CELF2: variants seen among roughly 807,000 people sequenced by gnomAD.
CELF2 encodes CUG triplet repeat RNA-binding protein 2.
Under a neutral mutation model 62.6 loss-of-function variants are expected in CELF2, and 8 were observed. The observed-to-expected ratio is 0.13, with a 90% CI of 0.07 to 0.23. The LOEUF (loss-of-function observed/expected upper bound fraction) is 0.23, where lower values mean the gene tolerates loss of function less well. Ranked by LOEUF, CELF2 falls within the 10% of genes least tolerant of loss-of-function variation. CELF2 has a pLI of 1.00. For missense variants in CELF2, 333 were observed against 671.0 expected, an observed-to-expected ratio of 0.50 and a Z score of 5.56; for synonymous variants, 258 against 250.0, an observed-to-expected ratio of 1.03 and a Z score of -0.30.
At chr10:10,996,065 C>T (rs966667812) in intron 2 of CELF2, among the ~76,000 whole-genome samples, 1 of 152,110 alleles carries the variant, frequency 6.6e-6, no homozygotes, top group Non-Finnish European at 1.5e-5. Context: ...AAACAACTGG[C>T]CCAGGACATT....
At position 11,237,268 on chromosome 10, in the gene CELF2, G is replaced by A. The variant is rs557858515; in HGVS notation, c.355-11885G>A. Among the ~76,000 whole-genome samples, 39 of 152,324 alleles carry A rather than the reference G, an allele frequency of 2.6e-4. No homozygotes were observed. In the South Asian group the frequency reaches 7.7e-3, roughly 30 times the overall value. ...GAAAATTAAGCAAATTTAGAGCCAC[G>A]CCAGAGTGTTAGGTGAGAGGTCTGA... is the stretch of plus-strand genomic sequence containing the variant. On this transcript the variant is annotated intron_variant, in intron 3 of 12. Coordinates refer to ENST00000633077, the MANE Select transcript of CELF2 (RefSeq NM_001326342.2). This position sits in a 1 kb window ranked among gnomAD's most constrained non-coding sequence, Gnocchi z 4.0.
the CELF2 span, among the ~76,000 whole-genome samples, chr10:10,668,696 G>A: frequency 2.6e-4 from 39 of 152,238 alleles, no homozygotes; most frequent in African/African-American, 8.9e-4. Flanking sequence ...AGTGGCTCAT[G>A]CCTGTAACCC....
chr10:10,587,752 C>A, the CELF2 span, among the ~76,000 whole-genome samples: 2 of 152,238 alleles, frequency 1.3e-5, no homozygotes, highest in Non-Finnish European at 2.9e-5. Context: ...TCTTTCCTTG[C>A]TCTTTGTTTG....
At chr10:10,877,017 G>A (rs1385430048) in intron 1 of CELF2, among the ~76,000 whole-genome samples, 1 of 152,212 alleles carries the variant, frequency 6.6e-6, no homozygotes, top group African/African-American at 2.4e-5. Flanking sequence ...TAGAGTACTG[G>A]CAGTGTTAGC....
the CELF2 span, among the ~76,000 whole-genome samples, chr10:10,548,614 C>G: frequency 1.3e-5 from 2 of 152,092 alleles, no homozygotes; most frequent in East Asian, 3.9e-4. Context: ...CAATAATTTT[C>G]CCTAGGCTGA....
intron 1 of CELF2, among the ~76,000 whole-genome samples, chr10:10,869,438 C>T (rs1446703638): frequency 6.6e-6 from 1 of 151,886 alleles, no homozygotes; most frequent in African/African-American, 2.4e-5. Flanking sequence ...GGTGTACGCC[C>T]GTAATCCCAG....
chr10:10,469,605 C>T, the CELF2 span, among the ~76,000 whole-genome samples: 6 of 151,866 alleles, frequency 4.0e-5, no homozygotes, highest in Non-Finnish European at 8.8e-5. Flanking sequence ...CAGTTGTCAC[C>T]TTGCCTTCTT....
rs1221723853 is a variant in CELF2 at position 11,280,533 on chromosome 10, A to ATCAGCC, written c.841+5413_841+5414insTCAGCC. ...GGTGGGAGGAGCCAAGACATCAGCCACCAGGGACGTGCATCGTTGCCAGGG... is the reference window on the plus strand; with the variant it reads ...GGTGGGAGGAGCCAAGACATCAGCCATCAGCCCCAGGGACGTGCATCGTTGCCAGGG... On this transcript the variant is annotated intron_variant, in intron 8 of 12. Coordinates refer to ENST00000633077, the MANE Select transcript of CELF2 (RefSeq NM_001326342.2). The surrounding 1 kb of genome is among the most constrained non-coding windows in gnomAD (Gnocchi z 7.6). Among the ~76,000 whole-genome samples the ATCAGCC allele has an allele frequency of 1.3e-5, 2 of 152,188 alleles. No homozygotes were observed. Among genetic ancestry groups the ATCAGCC allele is most frequent in the Non-Finnish European group, 2.9e-5 (2 of 68,038 alleles).
At chr10:10,564,641 T>TACAC in the CELF2 span, among the ~76,000 whole-genome samples, 612 of 136,160 alleles carry the variant, frequency 4.5e-3, 6 homozygotes, top group African/African-American at 0.015. Context: ...GTTAACTGAA[T>TACAC]ACACACACAC....
At chr10:11,299,533 GC>G in intron 9 of CELF2, among the ~76,000 whole-genome samples, 1 of 152,114 alleles carries the variant, frequency 6.6e-6, no homozygotes, top group Non-Finnish European at 1.5e-5. Context: ...TTCCTGAGAA[GC>G]CCCTGTCCTT....
At chr10:10,904,121 A>T (rs2063145749) in intron 1 of CELF2, among the ~76,000 whole-genome samples, 1 of 152,228 alleles carries the variant, frequency 6.6e-6, no homozygotes, top group African/African-American at 2.4e-5. Context: ...TATTTTATTC[A>T]TCTGTGTCTT....
intron 1 of CELF2, among the ~76,000 whole-genome samples, chr10:11,096,577 G>A (rs1016965507): frequency 1.3e-5 from 2 of 152,164 alleles, no homozygotes; most frequent in African/African-American, 2.4e-5. Context: ...TCTGTTGCAC[G>A]GAGCTAACTG....
intron 1 of CELF2, among the ~76,000 whole-genome samples, chr10:10,917,083 T>A (rs1471097664): frequency 6.6e-6 from 1 of 152,204 alleles, no homozygotes; most frequent in African/African-American, 2.4e-5. Flanking sequence ...TTGTATTTCA[T>A]CAATTTTACA....
At chr10:10,859,772 A>T (rs2059949953) in intron 1 of CELF2, among the ~76,000 whole-genome samples, 1 of 152,172 alleles carries the variant, frequency 6.6e-6, no homozygotes, top group Admixed American at 6.5e-5. Flanking sequence ...ATAGATTTAG[A>T]TGCTTAAGTT....
intron 3 of CELF2, among the ~76,000 whole-genome samples, chr10:11,240,064 T>G (rs774793236): frequency 5.3e-5 from 8 of 152,084 alleles, no homozygotes; most frequent in Non-Finnish European, 1.0e-4. Context: ...AAAAAAGTTT[T>G]TTGTGTGCCT....
intron 1 of CELF2, among the ~76,000 whole-genome samples, chr10:11,108,808 T>C (rs1341992490): frequency 2.0e-5 from 3 of 152,240 alleles, no homozygotes; most frequent in African/African-American, 7.2e-5. Flanking sequence ...AGCTTTTCTT[T>C]ATAAACTTCT....
At position 10,899,658 on chromosome 10, in the gene CELF2, A is replaced by G. The variant is rs569795016; in HGVS notation, c.54-20306A>G. Among the ~76,000 whole-genome samples the G allele has an allele frequency of 2.6e-5, 4 of 152,352 alleles. No individual in the cohort carries two copies. The South Asian group carries it at 8.3e-4, about 32-fold the overall frequency. ...CCTGAGACTGGGTAATTTATAAAGA[A>G]AAGAGGTTTAATTGGCTCATGGTTC... On this transcript the variant is annotated intron_variant, in intron 1 of 13. Coordinates refer to the CELF2 transcript ENST00000636488.
the CELF2 span, among the ~76,000 whole-genome samples, chr10:10,649,521 G>A: frequency 0.015 from 2,250 of 151,804 alleles, 48 homozygotes; most frequent in African/African-American, 0.052. Context: ...ATATATCTTA[G>A]GGATACATCT....
intron 2 of CELF2, among the ~76,000 whole-genome samples, chr10:10,932,949 T>C (rs560292218): frequency 7.2e-5 from 11 of 152,216 alleles, no homozygotes; most frequent in Admixed American, 5.2e-4. Context: ...GAAAAGTAGA[T>C]AGAAGCCAGA....
Sources: gnomAD v4.1 joint callset for allele counts (sites outside exome capture counted in the v4.1 genomes callset) on GRCh38, gnomAD v4.1.1 for gene constraint, Gnocchi (gnomAD v3.1) non-coding constraint, MANE v1.5 for transcripts, NCBI Gene and HGNC (gene_info 2026-07-23, HGNC 2026-07-21) for gene names.